Variants in APOB observed in about 807,000 individuals in gnomAD.
The protein encoded by APOB is apolipoprotein B, also known as apolipoprotein B-100.
APOB carries 153 observed loss-of-function variants against 314.1 expected under a neutral mutation model. The observed-to-expected ratio is 0.49, with a 90% CI of 0.43 to 0.56. The LOEUF is 0.56. Among genes scored for constraint, APOB ranks in the 20% least tolerant of loss-of-function variants. The pLI, the probability that APOB is intolerant of heterozygous loss-of-function variation, is 0.00. For synonymous variants in APOB, 2,087 were observed against 2,036.4 expected, an observed-to-expected ratio of 1.02 and a Z score of -0.67; for missense variants, 5,430 against 5,350.7, an observed-to-expected ratio of 1.01 and a Z score of -0.46.
chr2:21,041,779 C>T (rs1664137882), intron 3 of APOB, among the ~76,000 whole-genome samples: 1 of 152,192 alleles, frequency 6.6e-6, no homozygotes, highest in Admixed American at 6.5e-5. Context: ...AGCTACGGTA[C>T]TCTCTAAAAA....
chr2:21,003,102 T>C lies in APOB; in HGVS notation c.12320A>G (p.Asn4107Ser). 6.3e-7 allele frequency: 1 copy of C among 1,598,098 alleles called. No individual in the cohort carries two copies. Among genetic ancestry groups the C allele is most frequent in the South Asian group, 1.1e-5 (1 of 89,106 alleles). ...AACCCACTCAGCATTGTTCTGCAGA[T>C]TTCTTCTCAGCTTTGAAGACACTTC... ...LREVSSKLRRNLQNNAEWVYQ... is the reference protein window; with the variant it reads ...LREVSSKLRRSLQNNAEWVYQ... The change falls in exon 29 of 29, where the codon AAT becomes AGT. Residue 4107 changes from asparagine (N) to serine (S), a missense_variant. By Grantham distance (46) the Asn-to-Ser change is conservative (BLOSUM62 1). Coordinates refer to ENST00000233242, the MANE Select transcript of APOB (RefSeq NM_000384.3).
chr2:21,022,052 C>T (rs189988265), intron 18 of APOB, among the ~76,000 whole-genome samples: 1 of 152,304 alleles, frequency 6.6e-6, no homozygotes, highest in East Asian at 1.9e-4. Flanking sequence ...AACTCTTGGG[C>T]TCAGTTGATC....
At position 21,015,258 on chromosome 2, in the gene APOB, C is replaced by A. The variant is rs2103362763; in HGVS notation, c.3511G>T (p.Glu1171Ter). The A allele has an allele frequency of 1.2e-6, 2 of 1,614,136 alleles. No homozygotes were observed. The highest frequency in any genetic ancestry group is 1.7e-6 in the Non-Finnish European group (2 of 1,180,000). The change falls in exon 23 of 29, where the codon GAA (glutamate) becomes TAA (stop). Residue 1171 changes from glutamate (E) to a stop codon, truncating the protein, a stop_gained and splice_region_variant. Transcript: ENST00000233242. LOFTEE classifies it high-confidence loss of function. ...VSKRVAWHYD[E>*]EKIEFEWNTG... is the part of the protein sequence containing the mutation. ...TTCCATTCAAATTCAATCTTCTCTT[C>A]ATCTGAAAATACGTAGGAAATAGTT... is the stretch of plus-strand genomic sequence containing the variant.
rs2103352780 is a variant in APOB at position 21,007,235 on chromosome 2, G to GT, written c.9632dup (p.Asn3211LysfsTer14). 6.2e-7 allele frequency: 1 copy of GT among 1,613,142 alleles called. No individual in the cohort carries two copies. Among genetic ancestry groups the GT allele is most frequent in the Non-Finnish European group, 8.5e-7 (1 of 1,179,540 alleles). ...TGACAAAATCTAATGCATTGTTTCTGTTTTTTTCAAAATGCCTGTCAAAGG... is the reference window on the plus strand; with the variant it reads ...TGACAAAATCTAATGCATTGTTTCTGTTTTTTTTCAAAATGCCTGTCAAAGG... On this transcript the variant is annotated frameshift_variant, in exon 26 of 29. Coordinates refer to ENST00000233242, the MANE Select transcript of APOB (RefSeq NM_000384.3). LOFTEE classifies it high-confidence loss of function.
intron 2 of APOB, 51 bp from the exon 3 acceptor site, chr2:21,042,527 G>A (rs965928415): frequency 7.1e-7 from 1 of 1,413,988 alleles, no homozygotes; most frequent in Non-Finnish European, 1.0e-6. Flanking sequence ...GCTCTCCCAA[G>A]GACAGCCAAT....
chr2:21,008,176 G>A lies in APOB; in HGVS notation c.8692C>T (p.Leu2898=), dbSNP rs773393299. 3 of 1,614,100 alleles carry A rather than the reference G, an allele frequency of 1.9e-6. No individual in the cohort carries two copies. Among genetic ancestry groups the A allele is most frequent in the South Asian group, 1.1e-5 (1 of 91,084 alleles). ...KYFHKLNIPK[L]DFSSQADLRN... ...AGGTCAGCCTGACTAGAGAAGTCCA[G>A]TTTGGGGATGTTCAATTTGTGGAAG... Residue 2898 remains leucine, a synonymous_variant, in exon 26 of 29, where the codon CTG becomes TTG. Coordinates refer to ENST00000233242, the MANE Select transcript of APOB (RefSeq NM_000384.3).
chr2:21,029,995 G>A lies in APOB; in HGVS notation c.1373C>T (p.Thr458Ile). 1.2e-6 allele frequency: 2 copies of A among 1,612,580 alleles called. No homozygotes were observed. The highest frequency in any genetic ancestry group is 1.7e-6 in the Non-Finnish European group (2 of 1,178,576). The change falls in exon 11 of 29, where the codon ACA becomes ATA. Residue 458 changes from threonine to isoleucine, a missense_variant. Transcript: ENST00000233242. ...AVNNYHKTNP[T>I]GTQELLDIAN... Reference sequence around the variant, plus strand: ...AATGTCCAGCAGCTCCTGGGTCCCTGTAGGGTTTGTCTTATGATAGCTACA... The same window carrying A: ...AATGTCCAGCAGCTCCTGGGTCCCTATAGGGTTTGTCTTATGATAGCTACA...
chr2:21,012,080 T>A lies in APOB; in HGVS notation c.4788A>T (p.Ala1596=). 1 of 1,614,144 alleles carries A rather than the reference T, an allele frequency of 6.2e-7. No homozygotes were observed. Among genetic ancestry groups the A allele is most frequent in the Non-Finnish European group, 8.5e-7 (1 of 1,180,000 alleles). ...KMDMTFSKQN[A]LLRSEYQADY... ...CAGCCTGATATTCAGAACGCAGCAG[T>A]GCATTTTGCTTAGAGAAGGTCATAT... Residue 1596 remains alanine, a synonymous_variant, in exon 26 of 29, where the codon GCA becomes GCT. Coordinates refer to ENST00000233242, the MANE Select transcript of APOB (RefSeq NM_000384.3).
In APOB at chr2:21,019,710, G is replaced by A. The variant is rs754496013; in HGVS notation, c.2999+13C>T. The A allele has an allele frequency of 6.2e-7, 1 of 1,613,620 alleles. No homozygotes were observed. The highest frequency in any genetic ancestry group is 1.1e-5 in the South Asian group (1 of 91,004). On this transcript the variant is annotated intron_variant, in intron 19 of 28. Transcript: ENST00000233242. ...GTGAGAAAATGCTGGGTCAGGCACT[G>A]AGCATCTCTAACCTGGTGTCCCCGG...
Position 21,003,058 on chromosome 2 carries a change from G to A in APOB, c.12364C>T (p.Gln4122Ter). ...AEWVYQGAIR[Q>*]IDDIDVRFQK... Reference sequence around the variant, plus strand: ...AACCTCACGTCGATATCATCAATTTGCCTAATGGCCCCTTGATAAACCCAC... The same window carrying A: ...AACCTCACGTCGATATCATCAATTTACCTAATGGCCCCTTGATAAACCCAC... Residue 4122 changes from glutamine (Q) to a stop codon, truncating the protein, a stop_gained, in exon 29 of 29, where the codon CAA becomes TAA. Coordinates refer to ENST00000233242, the MANE Select transcript of APOB (RefSeq NM_000384.3). LOFTEE classifies it low-confidence loss of function (END_TRUNC). 6.4e-7 allele frequency: 1 copy of A among 1,570,588 alleles called. No individual in the cohort carries two copies. The highest frequency in any genetic ancestry group is 1.2e-5 in the South Asian group (1 of 83,254).
intron 18 of APOB, among the ~76,000 whole-genome samples, chr2:21,020,330 G>A (rs1182207545): frequency 6.6e-6 from 1 of 152,138 alleles, no homozygotes; most frequent in African/African-American, 2.4e-5. Flanking sequence ...GCACGCTCAA[G>A]TCTCTTCCCC....
chr2:21,010,732 C>G lies in APOB; in HGVS notation c.6136G>C (p.Val2046Leu), dbSNP rs72653084. The G allele has an allele frequency of 6.2e-7, 1 of 1,613,982 alleles. No homozygotes were observed. The highest frequency in any genetic ancestry group is 1.3e-5 in the African/African-American group (1 of 75,036). ...ATTGTAAATTCTTGGGGCTTCTCAA[C>G]GGCATCTCTCATCTCTAAAGCATCA... ...IIDALEMRDA[V>L]EKPQEFTIVA... The change falls in exon 26 of 29, where the codon GTT (valine) becomes CTT (leucine). Residue 2046 changes from valine to leucine, a missense_variant. Transcript: ENST00000233242.
rs866969802 is a variant in APOB at position 21,041,967 on chromosome 2, A to T, written c.237+394T>A. Reference sequence around the variant, plus strand: ...CTTTCCATTCATTTTTCAGCAACAGATTCTGTTTGACTTAAATTATAAAAA... The same window carrying T: ...CTTTCCATTCATTTTTCAGCAACAGTTTCTGTTTGACTTAAATTATAAAAA... On this transcript the variant is annotated intron_variant, in intron 3 of 28. Transcript: ENST00000233242. Among the ~76,000 whole-genome samples the T allele has an allele frequency of 3.9e-5, 6 of 152,250 alleles. No homozygotes were observed. The South Asian group carries it at 1.2e-3, about 32-fold the overall frequency.
intron 14 of APOB, 58 bp downstream of exon 14, chr2:21,027,768 ACT>A: frequency 2.3e-6 from 3 of 1,314,926 alleles, no homozygotes; most frequent in Non-Finnish European, 3.3e-6. Flanking sequence ...GCTCCCAGGG[ACT>A]CTCTGTTTAT....
Position 21,007,180 on chromosome 2 carries a change from A to G in APOB, c.9688T>C (p.Phe3230Leu), listed in dbSNP as rs1162390992. 6.2e-7 allele frequency: 1 copy of G among 1,613,844 alleles called. No individual in the cohort carries two copies. Among genetic ancestry groups the G allele is most frequent in the South Asian group, 1.1e-5 (1 of 91,074 alleles). The part of the protein sequence containing the change: ...TKSYNETKIK[F>L]DKYKAEKSHD... ...GATTTTTCAGCTTTGTACTTATCAA[A>G]CTTAATTTTTGTTTCATTATAGGAT... Residue 3230 changes from phenylalanine (F) to leucine (L), a missense_variant, in exon 26 of 29, where the codon TTT becomes CTT. This residue lies in a region of APOB where 3,281 missense variants were observed against 3,171.0 expected (regional missense o/e 1.03). Coordinates refer to ENST00000233242, the MANE Select transcript of APOB (RefSeq NM_000384.3).
rs774188993 is a variant in APOB, at chr2:21,027,831, G to C, written c.2064C>G (p.Ile688Met). ...ACCTCAAACTCTTCACACTTACCTC[G>C]ATGAGGTCAGCTGAAGCAAATCCAA... ...TAFGFASADL[I>M]EIGLEGKGFE... is the part of the protein sequence containing the mutation. Residue 688 changes from isoleucine to methionine, a missense_variant, in exon 14 of 29, where the codon ATC (isoleucine) becomes ATG (methionine). Ile to Met is a conservative substitution (Grantham distance 10). This residue lies in a region of APOB where 2,085 missense variants were observed against 2,079.7 expected (regional missense o/e 1.00). Coordinates refer to ENST00000233242, the MANE Select transcript of APOB (RefSeq NM_000384.3). The C allele has an allele frequency of 3.1e-6, 5 of 1,607,762 alleles. No individual in the cohort carries two copies. The highest frequency in any genetic ancestry group is 4.3e-6 in the Non-Finnish European group (5 of 1,174,224).
In APOB at chr2:21,033,288, C is replaced by T; in HGVS notation, c.1124+11G>A. 1 of 1,607,070 alleles carries T rather than the reference C, an allele frequency of 6.2e-7. No homozygotes were observed. The highest frequency in any genetic ancestry group is 1.1e-5 in the South Asian group (1 of 90,910). On this transcript the variant is annotated intron_variant, in intron 9 of 28. Coordinates refer to ENST00000233242, the MANE Select transcript of APOB (RefSeq NM_000384.3). ...AGTTTTATAAAAAGTTGAGCTGTAACCATTAGATACCTGGACACCTCAATC... is the reference window on the plus strand; with the variant it reads ...AGTTTTATAAAAAGTTGAGCTGTAATCATTAGATACCTGGACACCTCAATC...
intron 18 of APOB, among the ~76,000 whole-genome samples, chr2:21,022,044 C>T (rs894885591): frequency 6.6e-6 from 1 of 152,194 alleles, no homozygotes; most frequent in Non-Finnish European, 1.5e-5. Context: ...AAGGCTTGAA[C>T]TCTTGGGCTC....
At position 21,007,073 on chromosome 2, in the gene APOB, T is replaced by A. The variant is rs770625769; in HGVS notation, c.9795A>T (p.Ile3265=). Residue 3265 remains isoleucine (I), a synonymous_variant, in exon 26 of 29, where the codon ATA becomes ATT. Coordinates refer to ENST00000233242, the MANE Select transcript of APOB (RefSeq NM_000384.3). ...ACACATAGCCGAATGCCGACATCTC[T>A]ATGGTGAATGGAGACACTTCAACAT... ...VVNVEVSPFT[I]EMSAFGYVFP... is the part of the protein sequence containing the mutation. The A allele has an allele frequency of 2.5e-6, 4 of 1,613,996 alleles. No homozygotes were observed. In the South Asian group the frequency reaches 4.4e-5, roughly 18 times the overall value.
Sources: gnomAD v4.1 joint callset for allele counts (sites outside exome capture counted in the v4.1 genomes callset) on GRCh38, gnomAD v4.1.1 for gene constraint, gnomAD v4.1.1 regional missense constraint, MANE v1.5 for transcripts, NCBI Gene and HGNC (gene_info 2026-07-23, HGNC 2026-07-21) for gene names.